The following SPOCK1 variants were observed in gnomAD, a reference collection of about 807,000 sequenced individuals.
SPOCK1 encodes testican-1.
A neutral mutation model predicts 55.3 loss-of-function variants in SPOCK1; 23 were observed. The ratio of observed to expected loss-of-function variants is 0.42; its 90% confidence interval spans 0.30 to 0.59. SPOCK1 has a LOEUF of 0.59. Ranked by LOEUF, SPOCK1 falls within the 20% of genes least tolerant of loss-of-function variation. The pLI is 0.22. For synonymous variants in SPOCK1, 226 were observed against 221.0 expected (o/e 1.02, Z -0.20); for missense variants, 499 against 552.5 (o/e 0.90, Z 0.97).
chr5:137,120,956 G>C (rs1561616715), intron 4 of SPOCK1, among the ~76,000 whole-genome samples: 1 of 152,208 alleles, frequency 6.6e-6, no homozygotes, highest in Non-Finnish European at 1.5e-5. Flanking sequence ...CAAAAGTTCA[G>C]TGGAGATGAA....
At chr5:137,446,716 A>ACTG (rs1753137407) in intron 2 of SPOCK1, among the ~76,000 whole-genome samples, 1 of 152,206 alleles carries the variant, frequency 6.6e-6, no homozygotes, top group South Asian at 2.1e-4. Context: ...ACAGTTCACT[A>ACTG]CTGTTAAGTA....
At chr5:137,425,013 G>A (rs2149826992) in intron 2 of SPOCK1, among the ~76,000 whole-genome samples, 1 of 152,320 alleles carries the variant, frequency 6.6e-6, no homozygotes, top group South Asian at 2.1e-4. Flanking sequence ...AGTCTTCCCT[G>A]TTATCAATAC....
At chr5:137,403,296 C>T (rs562390305) in intron 2 of SPOCK1, among the ~76,000 whole-genome samples, 3 of 152,304 alleles carry the variant, frequency 2.0e-5, no homozygotes, top group African/African-American at 7.2e-5. Context: ...GAAAGACAAC[C>T]TCCAATTCCC....
chr5:137,334,907 G>A (rs543192947), intron 2 of SPOCK1, among the ~76,000 whole-genome samples: 4 of 152,262 alleles, frequency 2.6e-5, no homozygotes, highest in East Asian at 1.9e-4. Context: ...ACCCAAGGGC[G>A]TACCCGTCAC....
At chr5:137,297,310 A>G (rs1442842739) in intron 2 of SPOCK1, among the ~76,000 whole-genome samples, 1 of 152,244 alleles carries the variant, frequency 6.6e-6, no homozygotes, top group Non-Finnish European at 1.5e-5. Context: ...CATTCACTCC[A>G]CAGCATATCA....
chr5:136,983,476 TG>T (rs1750773207), intron 9 of SPOCK1, among the ~76,000 whole-genome samples: 2 of 152,180 alleles, frequency 1.3e-5, no homozygotes, highest in Admixed American at 6.5e-5. Flanking sequence ...CGCCATTGCA[TG>T]CTATCAGTTT....
At chr5:137,368,599 A>G (rs1175716469) in intron 2 of SPOCK1, among the ~76,000 whole-genome samples, 1 of 152,170 alleles carries the variant, frequency 6.6e-6, no homozygotes, top group Admixed American at 6.5e-5. Flanking sequence ...CACAGCTTCA[A>G]GGCATCTTCA....
At chr5:137,038,492 G>A (rs975559266) in intron 6 of SPOCK1, among the ~76,000 whole-genome samples, 3 of 152,152 alleles carry the variant, frequency 2.0e-5, no homozygotes, top group African/African-American at 7.2e-5. Flanking sequence ...GAAGAAGAGA[G>A]GTATGGAATG....
chr5:137,341,311 G>A lies in SPOCK1; in HGVS notation c.187-74256C>T, dbSNP rs565885922. Among the ~76,000 whole-genome samples, 8 of 152,324 alleles carry A rather than the reference G, an allele frequency of 5.3e-5. No homozygotes were observed. In the East Asian group the frequency reaches 1.5e-3, roughly 29 times the overall value. On this transcript the variant is annotated intron_variant, in intron 2 of 10. Transcript: ENST00000394945. ...TAAATGTAGTTATATTTTAAGATCTGCTCAGAATAAACAAAACCTATTCCC... is the reference window on the plus strand; with the variant it reads ...TAAATGTAGTTATATTTTAAGATCTACTCAGAATAAACAAAACCTATTCCC...
At chr5:137,416,141 A>G (rs1428837980) in intron 2 of SPOCK1, among the ~76,000 whole-genome samples, 1 of 151,950 alleles carries the variant, frequency 6.6e-6, no homozygotes, top group East Asian at 1.9e-4. Flanking sequence ...AACGCAAGCA[A>G]GACAGAAGAG....
intron 2 of SPOCK1, among the ~76,000 whole-genome samples, chr5:137,369,980 C>T (rs1427089990): frequency 6.6e-6 from 1 of 152,148 alleles, no homozygotes; most frequent in Non-Finnish European, 1.5e-5. Flanking sequence ...CAACCACCAA[C>T]CCCACAGGAT....
At chr5:137,131,837 G>T (rs1221728609) in intron 4 of SPOCK1, among the ~76,000 whole-genome samples, 2 of 147,460 alleles carry the variant, frequency 1.4e-5, no homozygotes, top group Non-Finnish European at 3.0e-5. Flanking sequence ...CCGGGTGTAG[G>T]GGCGGGCGCC....
At chr5:136,990,200 G>A (rs957907574) in intron 7 of SPOCK1, among the ~76,000 whole-genome samples, 1 of 151,922 alleles carries the variant, frequency 6.6e-6, no homozygotes, top group Non-Finnish European at 1.5e-5. Context: ...TTGAGCCACC[G>A]CCCTCGGCCC....
Position 137,242,714 on chromosome 5 carries a change from G to A in SPOCK1, c.232+24296C>T, listed in dbSNP as rs566900152. ...GATTTCGCCACTGCATTCCAGCCTG[G>A]GTGACAGGGTGAAACCCTGTACCCC... On this transcript the variant is annotated intron_variant, in intron 3 of 10. Coordinates refer to ENST00000394945, the MANE Select transcript of SPOCK1 (RefSeq NM_004598.4). 2.4e-3 allele frequency among the ~76,000 whole-genome samples: 372 copies of A among 152,112 alleles called. 1 individual carries two copies. Among genetic ancestry groups the A allele is most frequent in the African/African-American group, 8.7e-3 (360 of 41,506 alleles).
intron 6 of SPOCK1, among the ~76,000 whole-genome samples, chr5:137,055,823 T>C (rs531170864): frequency 6.6e-6 from 1 of 152,300 alleles, no homozygotes; most frequent in Non-Finnish European, 1.5e-5. Context: ...CTTCTGATGA[T>C]GGCATCTTCC....
intron 2 of SPOCK1, among the ~76,000 whole-genome samples, chr5:137,302,327 T>C (rs942036895): frequency 6.6e-6 from 1 of 151,222 alleles, no homozygotes; most frequent in South Asian, 2.1e-4. Context: ...CCCAGCACTT[T>C]GGGAGGCCAA....
At chr5:137,062,558 T>TAATAAC (rs1554095447) in intron 6 of SPOCK1, among the ~76,000 whole-genome samples, 19 of 148,160 alleles carry the variant, frequency 1.3e-4, no homozygotes, top group Admixed American at 1.1e-3. Flanking sequence ...ATAATAATAA[T>TAATAAC]AAAGACAGCA....
intron 6 of SPOCK1, among the ~76,000 whole-genome samples, chr5:137,016,702 A>T (rs1751453482): frequency 6.6e-6 from 1 of 152,210 alleles, no homozygotes; most frequent in African/African-American, 2.4e-5. Context: ...GAAACAAACA[A>T]CCCAACTTAG....
At chr5:137,091,957 G>A (rs948561369) in intron 5 of SPOCK1, among the ~76,000 whole-genome samples, 3 of 151,876 alleles carry the variant, frequency 2.0e-5, no homozygotes, top group East Asian at 1.9e-4. Flanking sequence ...TTATAAACAC[G>A]ATAAACTCAC....
Sources: gnomAD v4.1 joint callset for allele counts (sites outside exome capture counted in the v4.1 genomes callset) on GRCh38, gnomAD v4.1.1 for gene constraint, MANE v1.5 for transcripts, NCBI Gene and HGNC (gene_info 2026-07-23, HGNC 2026-07-21) for gene names.